The following ZNF532 variants were observed in gnomAD, a reference collection of about 807,000 sequenced individuals.
ZNF532 encodes zinc finger protein 532.
ZNF532 carries 22 observed loss-of-function variants against 89.3 expected under a neutral mutation model. That is an observed-to-expected ratio of 0.25 (90% CI 0.18 to 0.35). The LOEUF is 0.35. Among genes scored for constraint, ZNF532 ranks in the 10% least tolerant of loss-of-function variants. ZNF532 has a pLI of 1.00. For missense variants in ZNF532, 1,132 were observed against 1,643.4 expected (o/e 0.69, Z 5.38); for synonymous variants, 606 against 649.6 (o/e 0.93, Z 1.02).
chr18:58,894,506 C>A (rs897031718), intron 2 of ZNF532, among the ~76,000 whole-genome samples: 2 of 150,848 alleles, frequency 1.3e-5, no homozygotes, highest in Non-Finnish European at 2.9e-5. Context: ...TTTCCTTGGT[C>A]TAGGAAGAGT....
intron 3 of ZNF532, among the ~76,000 whole-genome samples, chr18:58,926,952 T>C (rs1281036645): frequency 6.6e-6 from 1 of 152,256 alleles, no homozygotes; most frequent in Non-Finnish European, 1.5e-5. Flanking sequence ...TAAGGAGTTT[T>C]GCATCTATAT....
At chr18:58,892,722 TAGAGATTTTGAATCTA>T (rs2058984774) in intron 2 of ZNF532, among the ~76,000 whole-genome samples, 2 of 152,228 alleles carry the variant, frequency 1.3e-5, no homozygotes, top group African/African-American at 4.8e-5. Flanking sequence ...AATGTTCGTG[TAGAGATTTTGAATCTA>T]AGAGGTTCTG....
chr18:58,936,698 A>G (rs187989091), intron 4 of ZNF532, among the ~76,000 whole-genome samples: 1 of 152,300 alleles, frequency 6.6e-6, no homozygotes, highest in African/African-American at 2.4e-5. Context: ...CTGGTAAACA[A>G]CGATGTGTTG....
intron 8 of ZNF532, chr18:58,980,519 G>GT (rs1232948864): frequency 1.3e-5 from 2 of 152,252 alleles, no homozygotes; most frequent in Non-Finnish European, 2.9e-5. Flanking sequence ...GGGCCAATCA[G>GT]TATGAATTCC....
intron 7 of ZNF532, among the ~76,000 whole-genome samples, chr18:58,974,962 T>G (rs562983421): frequency 1.2e-4 from 19 of 152,362 alleles, no homozygotes; most frequent in Non-Finnish European, 1.6e-4. Context: ...CCATTTTTGC[T>G]AGAGGCCCTG....
chr18:58,908,207 C>T (rs1367257135), intron 2 of ZNF532, among the ~76,000 whole-genome samples: 1 of 152,170 alleles, frequency 6.6e-6, no homozygotes, highest in Non-Finnish European at 1.5e-5. Flanking sequence ...TTTTTGGACA[C>T]AAGCCAGGAA....
chr18:58,896,745 C>T (rs1411339430), intron 2 of ZNF532: 1 of 152,168 alleles, frequency 6.6e-6, no homozygotes, highest in Non-Finnish European at 1.5e-5. Context: ...AAAACAACAC[C>T]ACCACATGAC....
chr18:58,863,465 TCGCCCG>T (rs932295310), upstream of ZNF532: 1 of 2,918 alleles, frequency 3.4e-4, no homozygotes, highest in African/African-American at 1.5e-3. Flanking sequence ...CCCCTCCCCC[TCGCCCG>T]CGCTCCCTTT....
At chr18:58,894,717 C>T (rs965077434) in intron 2 of ZNF532, among the ~76,000 whole-genome samples, 12 of 152,118 alleles carry the variant, frequency 7.9e-5, no homozygotes, top group Admixed American at 1.3e-4. Flanking sequence ...AAGCCATCCT[C>T]GATTTTCAGG....
At chr18:58,930,577 G>C (rs1259247482) in intron 3 of ZNF532, among the ~76,000 whole-genome samples, 1 of 146,310 alleles carries the variant, frequency 6.8e-6, no homozygotes, top group Non-Finnish European at 1.5e-5. Context: ...GCAGTGAGCT[G>C]AGATTATGCT....
At position 58,941,014 on chromosome 18, in the gene ZNF532, G is replaced by C. The variant is rs1255075344; in HGVS notation, c.2705+1393G>C. On this transcript the variant is annotated intron_variant, in intron 5 of 9. Transcript: ENST00000591808. ...CTCCTGGCTTTTGTTGAAACATTTAGTTTTGGGGAAATGTGATTGAATACT... is the reference window on the plus strand; with the variant it reads ...CTCCTGGCTTTTGTTGAAACATTTACTTTTGGGGAAATGTGATTGAATACT... 2.9e-5 allele frequency among the ~76,000 whole-genome samples: 4 copies of C among 136,246 alleles called. No individual in the cohort carries two copies. In the Admixed American group the frequency reaches 3.0e-4, roughly 10 times the overall value. 89.4% of individuals were successfully genotyped at this position (136,246 alleles called of 152,430 possible). A position where few individuals can be genotyped will look rare whatever the true frequency, so the allele number is the denominator to read the frequency against.
intron 2 of ZNF532, among the ~76,000 whole-genome samples, chr18:58,893,954 C>T (rs2059082949): frequency 6.6e-6 from 1 of 152,122 alleles, no homozygotes; most frequent in Admixed American, 6.5e-5. Context: ...CCTGTATTTA[C>T]TGTCTGTGGT....
intron 2 of ZNF532, among the ~76,000 whole-genome samples, chr18:58,888,699 A>ATATATATATGTATATATATATATATAAAT (rs2058480946): frequency 7.6e-5 from 3 of 39,270 alleles, no homozygotes; most frequent in African/African-American, 5.8e-4. Context: ...AAAAAAAATT[A>ATATATATATGTATATATATATATATAAAT]TATATATATA....
intron 5 of ZNF532, among the ~76,000 whole-genome samples, chr18:58,946,923 A>G (rs2063714283): frequency 6.6e-6 from 1 of 152,164 alleles, no homozygotes; most frequent in Non-Finnish European, 1.5e-5. Flanking sequence ...TTGAAGCTAC[A>G]TGGGAAGTCC....
At chr18:58,910,196 T>C (rs1161930217) in intron 2 of ZNF532, among the ~76,000 whole-genome samples, 1 of 152,236 alleles carries the variant, frequency 6.6e-6, no homozygotes, top group Non-Finnish European at 1.5e-5. Context: ...TAAAAAATTA[T>C]CATTCGTACA....
chr18:58,874,467 C>T (rs560492644), intron 2 of ZNF532, among the ~76,000 whole-genome samples: 1 of 151,482 alleles, frequency 6.6e-6, no homozygotes, highest in African/African-American at 2.4e-5. Context: ...GCCTCAGCCT[C>T]CTGTGTAGCT....
At chr18:58,910,700 C>T (rs1602991578) in intron 2 of ZNF532, among the ~76,000 whole-genome samples, 1 of 152,046 alleles carries the variant, frequency 6.6e-6, no homozygotes, top group Non-Finnish European at 1.5e-5. Flanking sequence ...GTCTCAAACT[C>T]CTGGTCTCAA....
chr18:58,882,160 A>T (rs2057976918), intron 2 of ZNF532, among the ~76,000 whole-genome samples: 2 of 152,166 alleles, frequency 1.3e-5, no homozygotes, highest in South Asian at 2.1e-4. Context: ...GGGTTTCACA[A>T]TGTTGCCCAA....
chr18:58,959,720 C>G (rs1334918516), intron 7 of ZNF532, among the ~76,000 whole-genome samples: 2 of 151,976 alleles, frequency 1.3e-5, no homozygotes, highest in Non-Finnish European at 2.9e-5. Context: ...TTGCATAGGT[C>G]TAAAATGGAA....
Sources: allele counts gnomAD v4.1 joint callset (sites outside exome capture counted in the v4.1 genomes callset), GRCh38; gene constraint gnomAD v4.1.1; transcripts MANE v1.5; gene names NCBI Gene and HGNC (gene_info 2026-07-23, HGNC 2026-07-21).